PTPRD: variants seen among roughly 807,000 people sequenced by gnomAD.
PTPRD encodes the protein receptor-type tyrosine-protein phosphatase delta.
PTPRD carries 34 observed loss-of-function variants against 214.5 expected under a neutral mutation model. That is an observed-to-expected ratio of 0.16 (90% CI 0.12 to 0.21). The LOEUF (loss-of-function observed/expected upper bound fraction) is 0.21. Ranked by LOEUF, PTPRD falls within the 10% of genes least tolerant of loss-of-function variation. PTPRD has a pLI of 1.00. For synonymous variants in PTPRD, 1,128 were observed against 845.7 expected (o/e 1.33, Z -5.79); for missense variants, 2,545 against 2,398.7 (o/e 1.06, Z -1.27).
intron 3 of PTPRD, among the ~76,000 whole-genome samples, chr9:10,220,996 T>C (rs575820147): frequency 2.3e-4 from 35 of 152,002 alleles, no homozygotes; most frequent in African/African-American, 7.9e-4. Flanking sequence ...AGAAGGTCAC[T>C]GTGAACAGCA....
intron 8 of PTPRD, among the ~76,000 whole-genome samples, chr9:9,485,008 G>A (rs2095569291): frequency 6.6e-6 from 1 of 152,136 alleles, no homozygotes; most frequent in African/African-American, 2.4e-5. Context: ...ATATGGATGT[G>A]TAATGCTTTT....
intron 10 of PTPRD, among the ~76,000 whole-genome samples, chr9:9,141,231 TC>T (rs1188028550): frequency 1.6e-5 from 2 of 124,988 alleles, no homozygotes; most frequent in Admixed American, 1.7e-4. Context: ...TTCTCTCTCC[TC>T]CCCCCGTCTT....
intron 35 of PTPRD, among the ~76,000 whole-genome samples, chr9:8,425,933 T>G (rs531334465): frequency 3.3e-5 from 5 of 152,350 alleles, no homozygotes; most frequent in Middle Eastern, 3.4e-3. Flanking sequence ...AATGATATTA[T>G]GTACAAAATA....
chr9:9,468,970 T>C (rs574720541), intron 8 of PTPRD, among the ~76,000 whole-genome samples: 114 of 152,210 alleles, frequency 7.5e-4, no homozygotes, highest in South Asian at 5.8e-3. Context: ...AGGGAAACTG[T>C]ACCATTCAAT....
At chr9:10,030,065 T>C (rs1426039184) in intron 4 of PTPRD, among the ~76,000 whole-genome samples, 1 of 152,098 alleles carries the variant, frequency 6.6e-6, no homozygotes, top group African/African-American at 2.4e-5. Context: ...TGCCACCATA[T>C]AAGATGTGCC....
chr9:8,583,671 T>C (rs546513405), intron 14 of PTPRD, among the ~76,000 whole-genome samples: 1 of 152,328 alleles, frequency 6.6e-6, no homozygotes, highest in Admixed American at 6.5e-5. Flanking sequence ...AGATAATATA[T>C]ACCTAAATTA....
intron 4 of PTPRD, among the ~76,000 whole-genome samples, chr9:10,008,366 C>T (rs1291392963): frequency 6.6e-6 from 1 of 151,902 alleles, no homozygotes; most frequent in Non-Finnish European, 1.5e-5. Context: ...GATGAGAGAC[C>T]ACCAACTGTG....
chr9:9,668,510 C>G (rs555070925), intron 7 of PTPRD, among the ~76,000 whole-genome samples: 10 of 152,084 alleles, frequency 6.6e-5, no homozygotes, highest in Admixed American at 5.2e-4. Context: ...TTCTTCTAAA[C>G]AGATCCAATT....
At chr9:9,538,137 C>G (rs961294442) in intron 8 of PTPRD, among the ~76,000 whole-genome samples, 13 of 151,746 alleles carry the variant, frequency 8.6e-5, no homozygotes, top group Non-Finnish European at 1.9e-4. Flanking sequence ...AAAGTATTTC[C>G]TCATATTTCG....
At chr9:10,489,080 C>T (rs2099151423) in intron 2 of PTPRD, among the ~76,000 whole-genome samples, 1 of 152,096 alleles carries the variant, frequency 6.6e-6, no homozygotes, top group Non-Finnish European at 1.5e-5. Flanking sequence ...CACCTGAAGC[C>T]AGCAAGTCTA....
chr9:9,888,488 T>C (rs2071853204), intron 5 of PTPRD, among the ~76,000 whole-genome samples: 1 of 151,930 alleles, frequency 6.6e-6, no homozygotes. Flanking sequence ...GGGGAGAGGG[T>C]TCCCTTGTGA....
chr9:9,589,144 T>G (rs1758569), intron 7 of PTPRD, among the ~76,000 whole-genome samples: 47,534 of 151,800 alleles, frequency 0.31, 7,875 homozygotes, highest in Non-Finnish European at 0.36. Flanking sequence ...TGTATGAAAT[T>G]GTGAAAACTG....
At chr9:10,543,381 C>T (rs2059535970) in intron 2 of PTPRD, among the ~76,000 whole-genome samples, 1 of 151,810 alleles carries the variant, frequency 6.6e-6, no homozygotes, top group African/African-American at 2.4e-5. Flanking sequence ...GAGTTCTTTG[C>T]AGAGCTGAAA....
intron 4 of PTPRD, among the ~76,000 whole-genome samples, chr9:10,001,766 T>C (rs2096323844): frequency 6.6e-6 from 1 of 152,104 alleles, no homozygotes; most frequent in African/African-American, 2.4e-5. Flanking sequence ...TCGTCACTAG[T>C]ACAGCTGCCC....
intron 3 of PTPRD, among the ~76,000 whole-genome samples, chr9:10,245,733 T>G (rs1163856937): frequency 2.6e-5 from 4 of 152,100 alleles, no homozygotes. Flanking sequence ...TGTGTATATG[T>G]GTGTGTATTG....
At chr9:8,748,034 C>T (rs971126050) in intron 11 of PTPRD, among the ~76,000 whole-genome samples, 1 of 152,168 alleles carries the variant, frequency 6.6e-6, no homozygotes, top group Non-Finnish European at 1.5e-5. Flanking sequence ...CCTGGACCGG[C>T]CTGCTAGCCC....
At chr9:10,518,271 A>G (rs901899943) in intron 2 of PTPRD, among the ~76,000 whole-genome samples, 1 of 152,208 alleles carries the variant, frequency 6.6e-6, no homozygotes, top group African/African-American at 2.4e-5. Flanking sequence ...ATCATGAAGA[A>G]CATTTCATTA....
At chr9:9,386,026 T>C (rs964981089) in intron 9 of PTPRD, among the ~76,000 whole-genome samples, 13 of 152,252 alleles carry the variant, frequency 8.5e-5, no homozygotes, top group Admixed American at 8.5e-4. Context: ...ATGGCCTGCA[T>C]CTTATATGAA....
chr9:10,166,319 A>C (rs2154293334), intron 3 of PTPRD, among the ~76,000 whole-genome samples: 1 of 150,402 alleles, frequency 6.6e-6, no homozygotes, highest in South Asian at 2.1e-4. Context: ...CTAACATCCT[A>C]TCAGCAGGCA....
Sources: allele counts gnomAD v4.1 joint callset (sites outside exome capture counted in the v4.1 genomes callset), GRCh38; gene constraint gnomAD v4.1.1; transcripts MANE v1.5; gene names NCBI Gene and HGNC (gene_info 2026-07-23, HGNC 2026-07-21).